The following CTNNA3 variants were observed in gnomAD, a reference collection of about 807,000 sequenced individuals.
CTNNA3 encodes catenin alpha 3.
Under a neutral mutation model 95.7 loss-of-function variants are expected in CTNNA3, and 76 were observed. The observed-to-expected ratio is 0.79, with a 90% CI of 0.66 to 0.96. The LOEUF is 0.96. Ranked by LOEUF, CTNNA3 falls within the 40% of genes least tolerant of loss-of-function variation. The pLI, the probability that CTNNA3 is intolerant of heterozygous loss-of-function variation, is 0.00. For synonymous variants in CTNNA3, 431 were observed against 374.4 expected (o/e 1.15, Z -1.74); for missense variants, 1,191 against 1,089.8 (o/e 1.09, Z -1.31).
At chr10:66,882,442 T>C (rs941870255) in intron 7 of CTNNA3, among the ~76,000 whole-genome samples, 32 of 152,118 alleles carry the variant, frequency 2.1e-4, no homozygotes, top group African/African-American at 7.0e-4. Context: ...CTTGAACACT[T>C]GACTGCCTAC....
At chr10:67,204,715 C>T (rs1257206650) in intron 6 of CTNNA3, among the ~76,000 whole-genome samples, 1 of 152,152 alleles carries the variant, frequency 6.6e-6, no homozygotes, top group Non-Finnish European at 1.5e-5. Flanking sequence ...TTCACTAAGA[C>T]CACAGCATTG....
intron 12 of CTNNA3, among the ~76,000 whole-genome samples, chr10:66,356,117 GTTTTGTTTT>G (rs2092607173): frequency 9.5e-6 from 1 of 104,742 alleles, no homozygotes; most frequent in African/African-American, 3.9e-5. Flanking sequence ...TTGTTTGCTT[GTTTTGTTTT>G]TTTTTTTTTT....
At chr10:67,075,543 T>C (rs1856704908) in intron 7 of CTNNA3, among the ~76,000 whole-genome samples, 1 of 152,196 alleles carries the variant, frequency 6.6e-6, no homozygotes, top group Admixed American at 6.5e-5. Flanking sequence ...ACTACATACT[T>C]GCAGTTCTGC....
chr10:67,380,007 T>C (rs7913968), intron 5 of CTNNA3, among the ~76,000 whole-genome samples: 22,731 of 115,082 alleles, frequency 0.2, 2,830 homozygotes, highest in African/African-American at 0.39. Context: ...GGCGACAGAG[T>C]GAGACTCCGT....
chr10:66,650,241 AC>A (rs1272524446), intron 9 of CTNNA3, among the ~76,000 whole-genome samples: 2 of 152,200 alleles, frequency 1.3e-5, no homozygotes, highest in African/African-American at 4.8e-5. Flanking sequence ...GTGGGAGATT[AC>A]AGAACCCGGG....
At chr10:65,987,407 C>T (rs1318840037) in intron 16 of CTNNA3, among the ~76,000 whole-genome samples, 2 of 151,560 alleles carry the variant, frequency 1.3e-5, no homozygotes, top group African/African-American at 4.8e-5. Context: ...ATACAAATGG[C>T]CAACAGGTAT....
At chr10:66,075,365 A>C (rs953476657) in intron 14 of CTNNA3, among the ~76,000 whole-genome samples, 3 of 151,840 alleles carry the variant, frequency 2.0e-5, no homozygotes, top group African/African-American at 7.2e-5. Flanking sequence ...TTAGTTATAC[A>C]GCAATTAACA....
chr10:67,645,718 T>G (rs958762377), intron 2 of CTNNA3, among the ~76,000 whole-genome samples: 6 of 151,866 alleles, frequency 4.0e-5, no homozygotes, highest in African/African-American at 1.4e-4. Flanking sequence ...AGAGCAATAT[T>G]TATAATAGGA....
chr10:66,331,617 T>A (rs895175277), intron 12 of CTNNA3, among the ~76,000 whole-genome samples: 3 of 151,988 alleles, frequency 2.0e-5, no homozygotes, highest in Non-Finnish European at 2.9e-5. Context: ...GTTGTAGATA[T>A]GCAGCATTAT....
chr10:66,486,508 A>G (rs578225345), intron 11 of CTNNA3, among the ~76,000 whole-genome samples: 1 of 152,278 alleles, frequency 6.6e-6, no homozygotes, highest in African/African-American at 2.4e-5. Flanking sequence ...CCTTACACCT[A>G]TTAGGATGGC....
intron 5 of CTNNA3, among the ~76,000 whole-genome samples, chr10:67,437,718 T>C (rs575357059): frequency 9.9e-4 from 150 of 152,088 alleles, no homozygotes; most frequent in Middle Eastern, 6.8e-3. Flanking sequence ...AAGGTTGATG[T>C]GGTAATTAGT....
At chr10:67,222,127 G>T (rs1424970590) in intron 5 of CTNNA3, among the ~76,000 whole-genome samples, 1 of 152,126 alleles carries the variant, frequency 6.6e-6, no homozygotes, top group Non-Finnish European at 1.5e-5. Context: ...TAAATGGCTT[G>T]TGCTACTATA....
At chr10:67,501,720 C>T (rs960106164) in intron 5 of CTNNA3, among the ~76,000 whole-genome samples, 7 of 152,184 alleles carry the variant, frequency 4.6e-5, no homozygotes, top group Admixed American at 2.0e-4. Flanking sequence ...AGTTGATCTT[C>T]AATCTCTGAT....
At chr10:66,829,552 G>GC (rs1166008022) in intron 7 of CTNNA3, among the ~76,000 whole-genome samples, 12 of 151,498 alleles carry the variant, frequency 7.9e-5, no homozygotes, top group Non-Finnish European at 1.8e-4. Context: ...GGCAGAGGTT[G>GC]CAGGGAGCCA....
intron 11 of CTNNA3, among the ~76,000 whole-genome samples, chr10:66,481,130 C>T (rs1023496307): frequency 3.3e-5 from 5 of 151,998 alleles, no homozygotes; most frequent in African/African-American, 4.8e-5. Context: ...AATTGGTAGG[C>T]GTAAAGGTAT....
intron 7 of CTNNA3, among the ~76,000 whole-genome samples, chr10:67,092,886 A>G (rs778366656): frequency 2.6e-5 from 4 of 152,016 alleles, no homozygotes; most frequent in Non-Finnish European, 5.9e-5. Context: ...TCCTAAGGGA[A>G]TTTCCTAAAT....
intron 9 of CTNNA3, among the ~76,000 whole-genome samples, chr10:66,722,380 A>G (rs930972350): frequency 8.8e-5 from 13 of 148,342 alleles, no homozygotes; most frequent in Admixed American, 8.1e-4. Context: ...CCTGTCTCAA[A>G]AAAAAAAAAA....
chr10:66,908,326 G>A (rs1189329558), intron 7 of CTNNA3, among the ~76,000 whole-genome samples: 1 of 152,160 alleles, frequency 6.6e-6, no homozygotes, highest in Non-Finnish European at 1.5e-5. Context: ...CCAGTTTCTT[G>A]TAGCATACAG....
intron 11 of CTNNA3, among the ~76,000 whole-genome samples, chr10:66,443,365 T>A (rs2093390156): frequency 6.6e-6 from 1 of 152,096 alleles, no homozygotes; most frequent in Non-Finnish European, 1.5e-5. Context: ...CCTCCTTAAG[T>A]GGGTGTCTGA....
Sources: allele counts gnomAD v4.1 joint callset (sites outside exome capture counted in the v4.1 genomes callset), GRCh38; gene constraint gnomAD v4.1.1; transcripts MANE v1.5; gene names NCBI Gene and HGNC (gene_info 2026-07-23, HGNC 2026-07-21).